The following FERMT2 variants were observed in gnomAD, a reference collection of about 807,000 sequenced individuals.
FERMT2 encodes fermitin family homolog 2.
FERMT2 carries 15 observed loss-of-function variants against 82.7 expected under a neutral mutation model. That is an observed-to-expected ratio of 0.18 (90% confidence interval 0.12 to 0.28). The LOEUF (loss-of-function observed/expected upper bound fraction) is 0.28. FERMT2 is among the 10% of genes least tolerant of loss of function. FERMT2 has a pLI of 1.00. For missense variants in FERMT2, 645 were observed against 809.4 expected (o/e 0.80, Z 2.46); for synonymous variants, 274 against 271.5 (o/e 1.01, Z -0.09).
intron 4 of FERMT2, among the ~76,000 whole-genome samples, chr14:52,884,362 G>A (rs1417440493): frequency 2.0e-5 from 3 of 152,198 alleles, no homozygotes; most frequent in African/African-American, 7.2e-5. Flanking sequence ...AGCACTTTGG[G>A]AAGCCAAGGT....
In FERMT2 at chr14:52,906,742, C is replaced by T. The variant is rs1888032669; in HGVS notation, c.391+12381G>A. ...TGAAAAAGGCACTGGATGGGATTAA[C>T]AGCAAATTAGCAGCAGAAAGATCAA... On this transcript the variant is annotated intron_variant, in intron 3 of 14. Coordinates refer to ENST00000341590, the MANE Select transcript of FERMT2 (RefSeq NM_006832.3). 2.6e-5 allele frequency among the ~76,000 whole-genome samples: 4 copies of T among 151,948 alleles called. No homozygotes were observed. In the South Asian group the frequency reaches 8.3e-4, roughly 32 times the overall value.
intron 3 of FERMT2, among the ~76,000 whole-genome samples, chr14:52,902,458 G>A (rs1272533084): frequency 6.6e-6 from 1 of 151,730 alleles, no homozygotes; most frequent in Non-Finnish European, 1.5e-5. Context: ...CAACAGAGGG[G>A]GAAGGGTCCT....
intron 2 of FERMT2, among the ~76,000 whole-genome samples, chr14:52,936,448 T>G (rs1177657621): frequency 6.6e-6 from 1 of 152,230 alleles, no homozygotes; most frequent in Non-Finnish European, 1.5e-5. Context: ...TAAAGTCTTT[T>G]ATGGGCATCT....
intron 3 of FERMT2, among the ~76,000 whole-genome samples, chr14:52,915,404 T>C (rs900747533): frequency 6.6e-6 from 1 of 152,158 alleles, no homozygotes; most frequent in African/African-American, 2.4e-5. Context: ...ATTCAAATAG[T>C]GTACTATCCA....
At chr14:52,935,358 A>C (rs892438122) in intron 2 of FERMT2, among the ~76,000 whole-genome samples, 4 of 152,132 alleles carry the variant, frequency 2.6e-5, no homozygotes, top group African/African-American at 9.6e-5. Context: ...ATTATGGGAA[A>C]CTGCTATGGA....
intron 3 of FERMT2, among the ~76,000 whole-genome samples, chr14:52,906,948 G>C (rs1156632367): frequency 3.6e-5 from 2 of 55,092 alleles, no homozygotes; most frequent in Non-Finnish European, 8.5e-5. Flanking sequence ...TCAATTATTG[G>C]GGGGGGGGGG....
chr14:52,910,293 A>T (rs1299857178), intron 3 of FERMT2, among the ~76,000 whole-genome samples: 1 of 152,198 alleles, frequency 6.6e-6, no homozygotes, highest in Non-Finnish European at 1.5e-5. Context: ...GAAAGAGAAA[A>T]AATAGGAATG....
intron 2 of FERMT2, among the ~76,000 whole-genome samples, chr14:52,939,192 T>TG (rs1462497124): frequency 1.2e-5 from 1 of 86,048 alleles, no homozygotes; most frequent in Non-Finnish European, 2.2e-5. Flanking sequence ...CCATCTCTAC[T>TG]AAAAAAAAAA....
chr14:52,886,689 T>C (rs879442548), intron 4 of FERMT2, among the ~76,000 whole-genome samples: 3 of 152,218 alleles, frequency 2.0e-5, no homozygotes, highest in Non-Finnish European at 4.4e-5. Context: ...ATCTCATTTA[T>C]GTTATTAAAA....
At chr14:52,883,906 G>A (rs543749909) in intron 4 of FERMT2, among the ~76,000 whole-genome samples, 11 of 152,172 alleles carry the variant, frequency 7.2e-5, no homozygotes, top group Non-Finnish European at 1.0e-4. Context: ...TCCGCCTTCC[G>A]CTGTAATTGT....
At chr14:52,935,285 C>T (rs765049350) in intron 2 of FERMT2, among the ~76,000 whole-genome samples, 2 of 152,086 alleles carry the variant, frequency 1.3e-5, no homozygotes, top group Non-Finnish European at 2.9e-5. Context: ...GTACCCCATT[C>T]CATTTTAGGT....
intron 3 of FERMT2, among the ~76,000 whole-genome samples, chr14:52,909,494 A>C (rs927049386): frequency 1.3e-5 from 2 of 152,208 alleles, no homozygotes; most frequent in Admixed American, 1.3e-4. Context: ...GCACTGTTAA[A>C]TCTAGATTTC....
At position 52,927,592 on chromosome 14, in the gene FERMT2, TAAAAAAAAAA is replaced by T. The variant is rs71125150; in HGVS notation, c.158-8246_158-8237del. Among the ~76,000 whole-genome samples the T allele has an allele frequency of 4.9e-3, 166 of 33,736 alleles. No individual in the cohort carries two copies. In the South Asian group the frequency reaches 0.078, roughly 16 times the overall value. 22.1% of individuals were successfully genotyped at this position (33,736 alleles called of 152,430 possible). On this transcript the variant is annotated intron_variant, in intron 2 of 14. Transcript: ENST00000341590. ...GCAACATAGCAAAACCTCATCCCTA[TAAAAAAAAAA>T]AAAAAAAAAAAAAAAAAAAAATCCA...
At chr14:52,895,415 G>T (rs538574178) in intron 3 of FERMT2, among the ~76,000 whole-genome samples, 12 of 152,174 alleles carry the variant, frequency 7.9e-5, no homozygotes, top group African/African-American at 2.9e-4. Context: ...AGCCAAAACT[G>T]AAAATAACCC....
rs374774930 is a variant in FERMT2 at position 52,919,314 on chromosome 14, T to C, written c.200A>G (p.Lys67Arg). Residue 67 changes from lysine (K) to arginine (R), a missense_variant, in exon 3 of 15, where the codon AAG becomes AGG. Coordinates refer to ENST00000341590, the MANE Select transcript of FERMT2 (RefSeq NM_006832.3). ...DWSDHALWWE[K>R]KRTWLLKTHW... is the part of the protein sequence containing the mutation. The stretch of plus-strand genomic sequence containing the variant: ...TGTCTTCAGAAGCCAAGTTCTCTTC[T>C]TTTCCCACCAGAGAGCATGGTCAGA... The C allele has an allele frequency of 1.9e-6, 3 of 1,613,804 alleles. No individual in the cohort carries two copies. In the Admixed American group the frequency reaches 5.0e-5, roughly 27 times the overall value.
chr14:52,885,014 T>TA (rs957393275), intron 4 of FERMT2, among the ~76,000 whole-genome samples: 9 of 144,556 alleles, frequency 6.2e-5, no homozygotes, highest in Admixed American at 4.9e-4. Flanking sequence ...AAAATAAAAA[T>TA]AAAAAAATAA....
chr14:52,869,563 C>G (rs1207937760), intron 10 of FERMT2, among the ~76,000 whole-genome samples: 1 of 152,154 alleles, frequency 6.6e-6, no homozygotes, highest in African/African-American at 2.4e-5. Context: ...TGTATCATAG[C>G]TCACATCTGT....
At chr14:52,876,612 C>T (rs1194683865) in intron 7 of FERMT2, among the ~76,000 whole-genome samples, 2 of 152,194 alleles carry the variant, frequency 1.3e-5, no homozygotes, top group Admixed American at 1.3e-4. Context: ...TTTCTTAATA[C>T]ATACTCTGAC....
At position 52,861,381 on chromosome 14, in the gene FERMT2, G is replaced by A. The variant is rs145551475; in HGVS notation, c.1603-916C>T. ...CCTACATCGTGTACCCAGTTACATC[G>A]TGTACCCAGTTCTCACCGGTTAAGG... On this transcript the variant is annotated intron_variant, in intron 12 of 14. Transcript: ENST00000341590. 228 of 245,830 alleles carry A rather than the reference G, an allele frequency of 9.3e-4. 1 individual carries two copies. The highest frequency in any genetic ancestry group is 5.0e-3 in the African/African-American group (219 of 43,380). 15.2% of individuals were successfully genotyped at this position (245,830 alleles called of 1,614,324 possible).
Sources: gnomAD v4.1 joint callset for allele counts (sites outside exome capture counted in the v4.1 genomes callset) on GRCh38, gnomAD v4.1.1 for gene constraint, MANE v1.5 for transcripts, NCBI Gene and HGNC (gene_info 2026-07-23, HGNC 2026-07-21) for gene names.